Variants in NAALADL2 observed in about 807,000 individuals in gnomAD.
NAALADL2 encodes the protein inactive N-acetylated-alpha-linked acidic dipeptidase-like protein 2.
A neutral mutation model predicts 87.2 loss-of-function variants in NAALADL2; 76 were observed. The ratio of observed to expected loss-of-function variants is 0.87; its 90% CI spans 0.72 to 1.05. The LOEUF is 1.05. NAALADL2 is among the 50% of genes least tolerant of loss of function. The pLI is 0.00. For synonymous variants in NAALADL2, 354 were observed against 331.0 expected, an observed-to-expected ratio of 1.07 and a Z score of -0.75; for missense variants, 1,089 against 945.8, an observed-to-expected ratio of 1.15 and a Z score of -1.99.
intron 1 of NAALADL2, among the ~76,000 whole-genome samples, chr3:174,522,430 G>A (rs1179091304): frequency 6.6e-6 from 1 of 152,102 alleles, no homozygotes; most frequent in Admixed American, 6.6e-5. Flanking sequence ...GGAAGCTGAG[G>A]TGGGGGGATT....
intron 1 of NAALADL2, among the ~76,000 whole-genome samples, chr3:175,005,957 G>C (rs1748962578): frequency 6.6e-6 from 1 of 152,166 alleles, no homozygotes; most frequent in South Asian, 2.1e-4. Flanking sequence ...TCTAAAAGCA[G>C]TAAATATGTT....
intron 2 of NAALADL2, among the ~76,000 whole-genome samples, chr3:174,596,455 C>G (rs1288138045): frequency 6.6e-6 from 1 of 152,144 alleles, no homozygotes; most frequent in East Asian, 1.9e-4. Flanking sequence ...TTCAGTGGTT[C>G]TCAAATTTTA....
chr3:174,780,145 C>T (rs1715760269), intron 3 of NAALADL2, among the ~76,000 whole-genome samples: 1 of 151,968 alleles, frequency 6.6e-6, no homozygotes, highest in African/African-American at 2.4e-5. Context: ...CTCTTATTTC[C>T]TTGAGCAGTG....
chr3:175,036,845 C>CAA (rs1753478867), intron 1 of NAALADL2, among the ~76,000 whole-genome samples: 1 of 144,936 alleles, frequency 6.9e-6, no homozygotes, highest in African/African-American at 2.6e-5. Flanking sequence ...TACTTGCTAC[C>CAA]CAACAACAAC....
chr3:175,733,576 C>T (rs1014388943), intron 11 of NAALADL2, among the ~76,000 whole-genome samples: 7 of 152,086 alleles, frequency 4.6e-5, no homozygotes, highest in Non-Finnish European at 1.0e-4. Flanking sequence ...ACCCCTGGCC[C>T]CTCCCAAATC....
intron 2 of NAALADL2, among the ~76,000 whole-genome samples, chr3:174,717,207 A>G (rs1349592802): frequency 6.6e-6 from 1 of 152,164 alleles, no homozygotes; most frequent in Non-Finnish European, 1.5e-5. Flanking sequence ...CAGATCTTAA[A>G]GCATCATCTA....
intron 2 of NAALADL2, among the ~76,000 whole-genome samples, chr3:174,733,837 A>AG (rs1732934141): frequency 6.6e-6 from 1 of 152,138 alleles, no homozygotes; most frequent in Non-Finnish European, 1.5e-5. Context: ...GGAACTTGGG[A>AG]GGGTTAAGAG....
At chr3:175,564,485 C>T (rs538415696) in intron 9 of NAALADL2, among the ~76,000 whole-genome samples, 1 of 152,034 alleles carries the variant, frequency 6.6e-6, no homozygotes, top group Admixed American at 6.6e-5. Flanking sequence ...TGCCTGGCAG[C>T]TGGAATACAT....
intron 3 of NAALADL2, among the ~76,000 whole-genome samples, chr3:174,816,591 A>G (rs559328681): frequency 1.3e-5 from 2 of 150,656 alleles, no homozygotes; most frequent in East Asian, 3.9e-4. Context: ...TACTTCAATA[A>G]TCTGAAATAT....
At chr3:175,681,734 G>A (rs1261502239) in intron 11 of NAALADL2, among the ~76,000 whole-genome samples, 1 of 152,114 alleles carries the variant, frequency 6.6e-6, no homozygotes, top group Non-Finnish European at 1.5e-5. Context: ...TGGCAATGAA[G>A]AGTTTATTTC....
intron 11 of NAALADL2, among the ~76,000 whole-genome samples, chr3:175,669,994 T>G (rs1023491703): frequency 5.9e-5 from 9 of 152,054 alleles, no homozygotes; most frequent in Non-Finnish European, 1.2e-4. Flanking sequence ...AATATAAAAA[T>G]GTAGGAATAA....
intron 4 of NAALADL2, among the ~76,000 whole-genome samples, chr3:175,265,121 G>C (rs937704000): frequency 2.6e-5 from 4 of 151,552 alleles, no homozygotes; most frequent in African/African-American, 9.7e-5. Context: ...TATTTTCCTA[G>C]TGGTTACTAT....
intron 1 of NAALADL2, among the ~76,000 whole-genome samples, chr3:174,983,386 G>A (rs563559461): frequency 4.3e-4 from 66 of 152,264 alleles, no homozygotes; most frequent in African/African-American, 1.4e-3. Context: ...GTGAAAGTTA[G>A]ATAAAGAAGG....
chr3:175,222,713 A>G (rs1337116862), intron 2 of NAALADL2, among the ~76,000 whole-genome samples: 5 of 152,168 alleles, frequency 3.3e-5, no homozygotes, highest in Non-Finnish European at 1.5e-5. Context: ...AAAGTTATAT[A>G]TGTCCATATT....
At chr3:175,344,616 A>G (rs1051741571) in intron 5 of NAALADL2, among the ~76,000 whole-genome samples, 3 of 152,012 alleles carry the variant, frequency 2.0e-5, no homozygotes, top group Non-Finnish European at 4.4e-5. Flanking sequence ...CCTGCTAACT[A>G]TGGACTATTG....
At chr3:175,268,752 G>C (rs13081599) in intron 4 of NAALADL2, among the ~76,000 whole-genome samples, 37,099 of 151,646 alleles carry the variant, frequency 0.24, 5,280 homozygotes, top group South Asian at 0.47. Context: ...AAGAAACACA[G>C]ACACTTTAGC....
At chr3:174,703,764 C>T (rs913788759) in intron 2 of NAALADL2, among the ~76,000 whole-genome samples, 8 of 152,100 alleles carry the variant, frequency 5.3e-5, no homozygotes, top group Admixed American at 1.3e-4. Context: ...GAGTTTCCCA[C>T]GAAAATATTT....
chr3:175,013,305 T>A lies in NAALADL2; in HGVS notation c.44-83485T>A, dbSNP rs867297556. Among the ~76,000 whole-genome samples the A allele has an allele frequency of 1.8e-3, 197 of 111,274 alleles. 4 individuals are homozygous for A. Among genetic ancestry groups the A allele is most frequent in the Non-Finnish European group, 2.7e-3 (148 of 55,532 alleles). 73.0% of individuals were successfully genotyped at this position (111,274 alleles called of 152,430 possible). A position where few individuals can be genotyped will look rare whatever the true frequency, so the allele number is the denominator to read the frequency against. ...TATATATATATATATATATATATTT[T>A]TTTTTTTTTTTGAGACAGGGTCTTG... On this transcript the variant is annotated intron_variant, in intron 1 of 13. Coordinates refer to ENST00000454872, the MANE Select transcript of NAALADL2 (RefSeq NM_207015.3).
At chr3:175,433,526 A>G (rs1443147790) in intron 5 of NAALADL2, among the ~76,000 whole-genome samples, 1 of 152,026 alleles carries the variant, frequency 6.6e-6, no homozygotes. Flanking sequence ...TATTAACAGG[A>G]CCATTAGCGC....
Sources: gnomAD v4.1 joint callset for allele counts (sites outside exome capture counted in the v4.1 genomes callset) on GRCh38, gnomAD v4.1.1 for gene constraint, MANE v1.5 for transcripts, NCBI Gene and HGNC (gene_info 2026-07-23, HGNC 2026-07-21) for gene names.